Variants in PDE4D observed in about 807,000 individuals in gnomAD.
PDE4D encodes 3',5'-cyclic-AMP phosphodiesterase 4D.
Under a neutral mutation model 87.4 loss-of-function variants are expected in PDE4D, and 24 were observed. The observed-to-expected ratio is 0.27, with a 90% CI of 0.20 to 0.39. The LOEUF (loss-of-function observed/expected upper bound fraction) is 0.39, where lower values mean the gene tolerates loss of function less well. Among genes scored for constraint, PDE4D ranks in the 10% least tolerant of loss-of-function variants. The pLI, the probability that PDE4D is intolerant of heterozygous loss-of-function variation, is 1.00. For missense variants in PDE4D, 714 were observed against 1,041.0 expected (o/e 0.69, Z 4.32); for synonymous variants, 384 against 383.2 (o/e 1.00, Z -0.02).
intron 1 of PDE4D, among the ~76,000 whole-genome samples, chr5:60,396,452 C>A (rs1231054880): frequency 6.6e-6 from 1 of 152,172 alleles, no homozygotes; most frequent in African/African-American, 2.4e-5. Context: ...CCAGGGATTA[C>A]CCCATCTGAG....
At chr5:60,432,362 T>A (rs1450129377) in intron 1 of PDE4D, among the ~76,000 whole-genome samples, 1 of 152,180 alleles carries the variant, frequency 6.6e-6, no homozygotes, top group African/African-American at 2.4e-5. Flanking sequence ...TGGTAGAATT[T>A]TGCTGTGAAT....
chr5:60,254,425 T>C (rs1748823645), intron 1 of PDE4D, among the ~76,000 whole-genome samples: 1 of 151,964 alleles, frequency 6.6e-6, no homozygotes, highest in Non-Finnish European at 1.5e-5. Flanking sequence ...TGAAGCATTA[T>C]TCATTCCACT....
chr5:59,298,885 A>T lies in PDE4D; in HGVS notation c.456-82917T>A, dbSNP rs1305095811. 8.5e-5 allele frequency among the ~76,000 whole-genome samples: 13 copies of T among 152,332 alleles called. No homozygotes were observed. The East Asian group carries it at 2.5e-3, about 29-fold the overall frequency. On this transcript the variant is annotated intron_variant, in intron 1 of 14. Transcript: ENST00000340635. ...ATCTGATTTTGTGATAATTTGCTTTATACTTTTTAATATCATCTTTGATGT... is the reference window on the plus strand; with the variant it reads ...ATCTGATTTTGTGATAATTTGCTTTTTACTTTTTAATATCATCTTTGATGT...
intron 5 of PDE4D, among the ~76,000 whole-genome samples, chr5:59,100,254 T>C (rs940113303): frequency 6.6e-6 from 1 of 152,228 alleles, no homozygotes; most frequent in African/African-American, 2.4e-5. Flanking sequence ...TCGCCCTAAC[T>C]TGCTTTCTCA....
At chr5:59,877,671 A>C (rs1748811728) in intron 1 of PDE4D, among the ~76,000 whole-genome samples, 1 of 151,876 alleles carries the variant, frequency 6.6e-6, no homozygotes. Flanking sequence ...TACAAAAATT[A>C]GCTGGGCATT....
intron 1 of PDE4D, among the ~76,000 whole-genome samples, chr5:59,712,604 T>C (rs1754373756): frequency 6.7e-6 from 1 of 150,112 alleles, no homozygotes; most frequent in African/African-American, 2.4e-5. Flanking sequence ...CTGATACAGA[T>C]TCTGCCCAAT....
At chr5:60,362,330 G>A (rs530977797) in intron 1 of PDE4D, among the ~76,000 whole-genome samples, 42 of 152,268 alleles carry the variant, frequency 2.8e-4, no homozygotes, top group African/African-American at 9.9e-4. Flanking sequence ...AAGGTCAGAT[G>A]AGTCATCTTT....
chr5:59,357,345 A>C (rs1351132625), intron 1 of PDE4D, among the ~76,000 whole-genome samples: 2 of 152,222 alleles, frequency 1.3e-5, no homozygotes, highest in African/African-American at 4.8e-5. Context: ...AAGATTACTA[A>C]ATTTCACACA....
rs70975348 is a variant in PDE4D at position 59,892,896 on chromosome 5, C to CCACA, written c.455+268_455+271dup. ...CACAGATAACTGGGAAGCGCGCGCA[C>CCACA]CACACACACACACACACACACACAC... On this transcript the variant is annotated intron_variant, in intron 1 of 14. Coordinates refer to ENST00000340635, the MANE Select transcript of PDE4D (RefSeq NM_001104631.2). Among the ~76,000 whole-genome samples, 6,851 of 143,866 alleles carry CCACA rather than the reference C, an allele frequency of 0.048. 172 individuals carry two copies. The highest frequency in any genetic ancestry group is 0.067 in the Admixed American group (960 of 14,406). The allele number at this position is 143,866 out of a possible 152,430, so 94.4% of individuals were successfully genotyped here.
At position 59,179,008 on chromosome 5, in the gene PDE4D, C is replaced by T. The variant is rs534754850; in HGVS notation, c.808+1587G>A. Among the ~76,000 whole-genome samples the T allele has an allele frequency of 5.3e-5, 8 of 152,260 alleles. No homozygotes were observed. The South Asian group carries it at 1.7e-3, about 32-fold the overall frequency. ...GAGGGATCCGGTTCCACACCTCCAA[C>T]TCAGTTTAGACTCATTTATGTTGAA... On this transcript the variant is annotated intron_variant, in intron 5 of 14. Transcript: ENST00000340635.
chr5:59,398,575 A>G (rs1390470145), intron 1 of PDE4D, among the ~76,000 whole-genome samples: 6 of 117,544 alleles, frequency 5.1e-5, no homozygotes, highest in African/African-American at 2.1e-4. Flanking sequence ...TTGATGGGAC[A>G]TATTTCAAAA....
At chr5:60,205,147 G>A (rs1205986567) in intron 1 of PDE4D, among the ~76,000 whole-genome samples, 1 of 152,132 alleles carries the variant, frequency 6.6e-6, no homozygotes, top group Admixed American at 6.5e-5. Context: ...TCAAAGGCTA[G>A]GTCCGCTGTC....
chr5:60,149,289 G>T (rs1781286489), intron 2 of PDE4D, among the ~76,000 whole-genome samples: 1 of 152,156 alleles, frequency 6.6e-6, no homozygotes, highest in African/African-American at 2.4e-5. Flanking sequence ...ACCTGACAAA[G>T]GCACGGCAGA....
At chr5:60,134,764 GA>G (rs1294114928) in intron 2 of PDE4D, among the ~76,000 whole-genome samples, 7 of 152,084 alleles carry the variant, frequency 4.6e-5, no homozygotes, top group Admixed American at 3.3e-4. Context: ...ATAATGACAA[GA>G]AAAAAACATC....
At chr5:59,877,717 G>T (rs542137178) in intron 1 of PDE4D, among the ~76,000 whole-genome samples, 71 of 152,090 alleles carry the variant, frequency 4.7e-4, no homozygotes, top group African/African-American at 1.6e-3. Context: ...TACTTGGGAG[G>T]CTGAGGTGGG....
chr5:59,954,433 G>A (rs1758618665), intron 3 of PDE4D, among the ~76,000 whole-genome samples: 1 of 152,116 alleles, frequency 6.6e-6, no homozygotes, highest in African/African-American at 2.4e-5. Context: ...CAAACATCTT[G>A]GCAGTTATTT....
intron 2 of PDE4D, among the ~76,000 whole-genome samples, chr5:60,051,100 T>G (rs562726458): frequency 6.6e-6 from 1 of 152,268 alleles, no homozygotes; most frequent in African/African-American, 2.4e-5. Context: ...TGGGAGACTT[T>G]AACACCCCAC....
intron 1 of PDE4D, among the ~76,000 whole-genome samples, chr5:59,594,767 A>T (rs762509783): frequency 1.3e-5 from 2 of 152,226 alleles, no homozygotes; most frequent in African/African-American, 2.4e-5. Flanking sequence ...CATGCCAGAG[A>T]TGTTGGAATT....
At chr5:59,033,954 A>T (rs770340515) in intron 6 of PDE4D, among the ~76,000 whole-genome samples, 1 of 152,200 alleles carries the variant, frequency 6.6e-6, no homozygotes, top group Non-Finnish European at 1.5e-5. Flanking sequence ...AACTGAACGG[A>T]TGACAACAGA....
Sources: allele counts gnomAD v4.1 joint callset (sites outside exome capture counted in the v4.1 genomes callset), GRCh38; gene constraint gnomAD v4.1.1; transcripts MANE v1.5; gene names NCBI Gene and HGNC (gene_info 2026-07-23, HGNC 2026-07-21).